The following PLPP2 variants were observed in gnomAD, a reference collection of about 807,000 sequenced individuals.
PLPP2 encodes phospholipid phosphatase 2, also known as PAP2-gamma.
A neutral mutation model predicts 35.2 loss-of-function variants in PLPP2; 29 were observed. The observed-to-expected ratio is 0.82, with a 90% CI of 0.61 to 1.12. The LOEUF is 1.12. Ranked by LOEUF, PLPP2 falls within the 50% of genes most tolerant of loss-of-function variation. PLPP2 has a pLI of 0.00. For missense variants in PLPP2, 353 were observed against 375.2 expected, an observed-to-expected ratio of 0.94 and a Z score of 0.49; for synonymous variants, 162 against 167.0, an observed-to-expected ratio of 0.97 and a Z score of 0.23.
chr19:284,476 T>G (rs935605053), intron 3 of PLPP2: 20 of 152,332 alleles, frequency 1.3e-4, no homozygotes, highest in African/African-American at 4.8e-4. Context: ...AGACACTTTC[T>G]AAGAGAGGGC....
Position 288,025 on chromosome 19 carries a change from T to A in PLPP2, c.199A>T (p.Ile67Phe), listed in dbSNP as rs781336245. Residue 67 changes from isoleucine to phenylalanine, a missense_variant, in exon 2 of 6, where the codon ATC becomes TTC. Transcript: ENST00000434325. ...MAGVTITATV[I>F]LVSAGEAYLV... The stretch of plus-strand genomic sequence containing the variant: ...CTGAGCCCCTCCTGCCTTACAAGGA[T>A]GACGGTGGCCGTGATGGTGACCCCA... 1.9e-6 allele frequency: 3 copies of A among 1,612,814 alleles called. No homozygotes were observed. The East Asian group carries it at 6.7e-5, about 36-fold the overall frequency.
Position 291,333 on chromosome 19 carries a change from G to A in PLPP2, c.4C>T (p.Gln2Ter), listed in dbSNP as rs894189866. The part of the protein sequence containing the change: M[Q>*]RRWVFVLLDV... ...AGCAGCACGAAGACCCACCTCCGCT[G>A]CATGGTCCCCGCGACCCCCGACGCC... The change falls in exon 1 of 6, where the codon CAG becomes TAG. Residue 2 changes from glutamine (Q) to a stop codon, truncating the protein, a stop_gained. Transcript: ENST00000434325. LOFTEE classifies it high-confidence loss of function. The A allele has an allele frequency of 3.1e-6, 5 of 1,591,620 alleles. No individual in the cohort carries two copies. The highest frequency in any genetic ancestry group is 4.3e-6 in the Non-Finnish European group (5 of 1,171,180).
chr19:289,144 C>T (rs1236174594), intron 1 of PLPP2, among the ~76,000 whole-genome samples: 1 of 152,202 alleles, frequency 6.6e-6, no homozygotes, highest in East Asian at 1.9e-4. Context: ...CAGGAGTCAT[C>T]TACGGAGAAC....
At position 287,810 on chromosome 19, in the gene PLPP2, C is replaced by T. The variant is rs1970300383; in HGVS notation, c.205-59G>A. On this transcript the variant is annotated intron_variant, in intron 2 of 5. Transcript: ENST00000434325. The surrounding 1 kb of genome is among the most constrained non-coding windows in gnomAD (Gnocchi z 4.3). ...TCGGTCGGCCCAGGGGCCCTCACTC[C>T]TCCGCACGGGCCTCCCCAAGGCTGC... The T allele has an allele frequency of 6.3e-7, 1 of 1,593,194 alleles. No individual in the cohort carries two copies. The highest frequency in any genetic ancestry group is 1.3e-5 in the African/African-American group (1 of 74,564).
At chr19:290,927 C>A in intron 1 of PLPP2, 1 of 1,227,840 alleles carries the variant, frequency 8.1e-7, no homozygotes, top group South Asian at 4.0e-5. Flanking sequence ...CGGCCGCCCC[C>A]ACCTCCCGGG....
At chr19:288,380 C>A in intron 1 of PLPP2, 1 of 440,032 alleles carries the variant, frequency 2.3e-6, no homozygotes, top group Non-Finnish European at 4.0e-6. Context: ...CACATCCTGG[C>A]AGCCTCCTTT....
At position 281,232 on chromosome 19, in the gene PLPP2, C is replaced by G; in HGVS notation, c.*156G>C. On this transcript the variant is annotated 3_prime_UTR_variant, in exon 6 of 6. Coordinates refer to ENST00000434325, the MANE Select transcript of PLPP2 (RefSeq NM_003712.4). ...GCATCTCCAGACTCCTGGTCCAGTG[C>G]AGGGCAGGGGGCAGCGGAGCCCGCT... The G allele has an allele frequency of 1.5e-6, 1 of 675,410 alleles. No individual in the cohort carries two copies. Among genetic ancestry groups the G allele is most frequent in the Non-Finnish European group, 2.1e-6 (1 of 477,188 alleles). The allele number at this position is 675,410 out of a possible 1,614,324, so 41.8% of individuals were successfully genotyped here.
chr19:288,913 C>T (rs1042644243), intron 1 of PLPP2, among the ~76,000 whole-genome samples: 2 of 152,132 alleles, frequency 1.3e-5, no homozygotes, highest in Non-Finnish European at 2.9e-5. Flanking sequence ...CTTCTTTTAA[C>T]CTAAGAGCAG....
intron 3 of PLPP2, chr19:286,390 T>A (rs79714796): frequency 6.6e-6 from 1 of 151,796 alleles, no homozygotes; most frequent in East Asian, 1.9e-4. Context: ...GGAGGATGGT[T>A]TGAGCCCAGG....
At chr19:282,049 G>A in intron 5 of PLPP2, 85 bp downstream of exon 5, 1 of 1,486,992 alleles carries the variant, frequency 6.7e-7, no homozygotes, top group Non-Finnish European at 9.2e-7. Flanking sequence ...ACTCAGTGGG[G>A]CAAGGGTACC....
chr19:290,859 C>A, intron 1 of PLPP2: 2 of 1,050,158 alleles, frequency 1.9e-6, no homozygotes, highest in Non-Finnish European at 2.4e-6. Flanking sequence ...CCTCTCCGCG[C>A]GCAGCGGGAG....
At position 288,028 on chromosome 19, in the gene PLPP2, C is replaced by A. The variant is rs148329482; in HGVS notation, c.196G>T (p.Val66Phe). ...LMAGVTITAT[V>F]ILVSAGEAYL... ...AGCCCCTCCTGCCTTACAAGGATGA[C>A]GGTGGCCGTGATGGTGACCCCAGCC... The change falls in exon 2 of 6, where the codon GTC becomes TTC. Residue 66 changes from valine to phenylalanine, a missense_variant. Coordinates refer to ENST00000434325, the MANE Select transcript of PLPP2 (RefSeq NM_003712.4). The A allele has an allele frequency of 6.8e-6, 11 of 1,612,856 alleles. No individual in the cohort carries two copies. Among genetic ancestry groups the A allele is most frequent in the African/African-American group, 1.3e-5 (1 of 74,776 alleles).
chr19:288,023 G>T lies in PLPP2; in HGVS notation c.201C>A (p.Ile67=), dbSNP rs568038887. The change falls in exon 2 of 6, where the codon ATC becomes ATA. Residue 67 remains isoleucine (I), a synonymous_variant. Transcript: ENST00000434325. ...CTCTGAGCCCCTCCTGCCTTACAAG[G>T]ATGACGGTGGCCGTGATGGTGACCC... The part of the protein sequence containing the change: ...MAGVTITATV[I]LVSAGEAYLV... 1.9e-6 allele frequency: 3 copies of T among 1,613,676 alleles called. No individual in the cohort carries two copies. In the South Asian group the frequency reaches 3.3e-5, roughly 18 times the overall value.
chr19:283,898 G>C (rs1970226180), intron 3 of PLPP2: 1 of 152,120 alleles, frequency 6.6e-6, no homozygotes, highest in South Asian at 2.1e-4. Flanking sequence ...TAAAAGAATA[G>C]GAAGAAACGG....
intron 3 of PLPP2, chr19:286,272 G>C (rs558624787): frequency 5.3e-5 from 8 of 151,944 alleles, no homozygotes; most frequent in Non-Finnish European, 8.8e-5. Flanking sequence ...AGGCATTCGA[G>C]ACCAGCCTGG....
chr19:285,435 GA>G (rs75499379), intron 3 of PLPP2: 37 of 142,736 alleles, frequency 2.6e-4, no homozygotes, highest in Middle Eastern at 3.6e-3. Flanking sequence ...TCGTTTCAAA[GA>G]AAAAAAAAAA....
At chr19:283,254 T>C (rs947809207) in intron 3 of PLPP2, 4 of 159,784 alleles carry the variant, frequency 2.5e-5, no homozygotes, top group African/African-American at 9.6e-5. Flanking sequence ...AAAGTCACAA[T>C]CAACTTTTTT....
intron 1 of PLPP2, among the ~76,000 whole-genome samples, chr19:289,958 C>G (rs1970351656): frequency 6.6e-6 from 1 of 152,164 alleles, no homozygotes. Flanking sequence ...TTTCCGACCT[C>G]CCTGCCCCAG....
intron 4 of PLPP2, 26 bp from the exon 5 acceptor site, chr19:282,336 C>G: frequency 6.2e-7 from 1 of 1,608,806 alleles, no homozygotes; most frequent in Admixed American, 1.7e-5. Context: ...GACGTGTTAG[C>G]CTGTGCACCT....
Sources: gnomAD v4.1 joint callset for allele counts (sites outside exome capture counted in the v4.1 genomes callset) on GRCh38, gnomAD v4.1.1 for gene constraint, Gnocchi (gnomAD v3.1) non-coding constraint, MANE v1.5 for transcripts, NCBI Gene and HGNC (gene_info 2026-07-23, HGNC 2026-07-21) for gene names.